Variants in CHST10 observed in about 807,000 individuals in gnomAD.
CHST10 encodes HNK-1 sulfotransferase.
A neutral mutation model predicts 34.7 loss-of-function variants in CHST10; 24 were observed. That is an observed-to-expected ratio of 0.69 (90% confidence interval 0.50 to 0.97). CHST10 has a LOEUF of 0.97. Among genes scored for constraint, CHST10 ranks in the 50% least tolerant of loss-of-function variants. The pLI is 0.00. For synonymous variants in CHST10, 161 were observed against 169.3 expected (o/e 0.95, Z 0.38); for missense variants, 402 against 452.1 (o/e 0.89, Z 1.00).
At chr2:100,402,506 C>A in intron 4 of CHST10, 58 bp downstream of exon 4, 2 of 1,438,124 alleles carry the variant, frequency 1.4e-6, no homozygotes, top group South Asian at 1.2e-5. Flanking sequence ...AAGGCCAGCT[C>A]CCCGCGACAA....
At chr2:100,416,601 T>C (rs1313590735) in intron 1 of CHST10, 1 of 208,528 alleles carries the variant, frequency 4.8e-6, no homozygotes, top group African/African-American at 2.3e-5. Flanking sequence ...TTTAACAGCG[T>C]CTGAGACATT....
At chr2:100,402,719 A>G in intron 3 of CHST10, 64 bp from the exon 4 acceptor site, 1 of 1,369,948 alleles carries the variant, frequency 7.3e-7, no homozygotes, top group Non-Finnish European at 1.0e-6. Context: ...GATGGGACAG[A>G]ACAGAGGCCC....
intron 3 of CHST10, among the ~76,000 whole-genome samples, chr2:100,404,896 AC>A (rs1483760023): frequency 1.3e-5 from 2 of 152,132 alleles, no homozygotes; most frequent in Admixed American, 6.5e-5. Flanking sequence ...CCTGAGTAAC[AC>A]CTATTTCTTA....
In CHST10 at chr2:100,395,345, C is replaced by T. The variant is rs893478688; in HGVS notation, c.533+164G>A. Among the ~76,000 whole-genome samples the T allele has an allele frequency of 4.6e-5, 7 of 152,112 alleles. No homozygotes were observed. In the East Asian group the frequency reaches 1.2e-3, roughly 25 times the overall value. On this transcript the variant is annotated intron_variant, in intron 6 of 6. Coordinates refer to ENST00000264249, the MANE Select transcript of CHST10 (RefSeq NM_004854.5). ...GAAGGAACTGAGAGTTTTGAGGCGC[C>T]GAATGGGGGGTGTAGCTTAGCTGCC...
chr2:100,399,821 C>G (rs765038530), intron 4 of CHST10, among the ~76,000 whole-genome samples: 16 of 152,328 alleles, frequency 1.1e-4, no homozygotes, highest in Non-Finnish European at 1.3e-4. Flanking sequence ...GGGCTACTGA[C>G]TGCCTGCTTT....
intron 4 of CHST10, among the ~76,000 whole-genome samples, chr2:100,400,970 C>T (rs1003476446): frequency 2.0e-5 from 3 of 152,220 alleles, no homozygotes; most frequent in Admixed American, 6.5e-5. Flanking sequence ...AGTGAGGCAC[C>T]GCACCTGGCC....
At chr2:100,402,484 C>T in intron 4 of CHST10, 80 bp downstream of exon 4, 2 of 1,112,446 alleles carry the variant, frequency 1.8e-6, no homozygotes, top group Non-Finnish European at 2.7e-6. Flanking sequence ...CAAGCGGAAC[C>T]AGCCACAGGG....
chr2:100,410,391 G>A lies in CHST10; in HGVS notation c.-32-3684C>T, dbSNP rs370821519. On this transcript the variant is annotated intron_variant, in intron 2 of 6. Transcript: ENST00000264249. ...CACCCAGCACAGTCCAGATGCTCTCGCTATGTGCCATTTGCTCTCCTTGCA... is the reference window on the plus strand; with the variant it reads ...CACCCAGCACAGTCCAGATGCTCTCACTATGTGCCATTTGCTCTCCTTGCA... Among the ~76,000 whole-genome samples the A allele has an allele frequency of 2.8e-4, 43 of 152,332 alleles. 1 individual carries two copies. The East Asian group carries it at 7.1e-3, about 25-fold the overall frequency.
rs1284562574 is a variant in CHST10 at position 100,395,624 on chromosome 2, A to C, written c.428-10T>G. On this transcript the variant is annotated splice_polypyrimidine_tract_variant and intron_variant, in intron 5 of 6. Coordinates refer to ENST00000264249, the MANE Select transcript of CHST10 (RefSeq NM_004854.5). The stretch of plus-strand genomic sequence containing the variant: ...ATGGAAGAAAATGCTCCTGGGAAGT[A>C]AACGGAAAGGAAGGCAGGTTGGCTG... 1 of 1,612,186 alleles carries C rather than the reference A, an allele frequency of 6.2e-7. No individual in the cohort carries two copies. Among genetic ancestry groups the C allele is most frequent in the Admixed American group, 1.7e-5 (1 of 59,992 alleles).
chr2:100,416,688 A>AAACAACAACAACAACAACAAC (rs140248946), intron 1 of CHST10: 1 of 315,272 alleles, frequency 3.2e-6, no homozygotes, highest in African/African-American at 2.2e-5. Flanking sequence ...TTTTCAGACA[A>AAACAACAACAACAACAACAAC]AACAACAACA....
intron 3 of CHST10, 66 bp downstream of exon 3, chr2:100,406,510 C>T: frequency 6.3e-7 from 1 of 1,587,120 alleles, no homozygotes. Context: ...TATGCATGTA[C>T]CTAGGAACAG....
chr2:100,401,023 G>A (rs1315975857), intron 4 of CHST10, among the ~76,000 whole-genome samples: 1 of 152,228 alleles, frequency 6.6e-6, no homozygotes, highest in Non-Finnish European at 1.5e-5. Flanking sequence ...TGATCATGTT[G>A]ATAAATCCCC....
intron 3 of CHST10, 128 bp downstream of exon 3, chr2:100,406,448 T>A: frequency 1.4e-4 from 158 of 1,121,584 alleles, no homozygotes; most frequent in East Asian, 1.6e-4. Flanking sequence ...GGCCATGACC[T>A]CCAAGGTCCC....
chr2:100,394,726 CT>C (rs11345127), intron 6 of CHST10, among the ~76,000 whole-genome samples: 41,028 of 140,354 alleles, frequency 0.29, 6,532 homozygotes, highest in East Asian at 0.69. Context: ...ACTCCATCTT[CT>C]TTTTTTTTTT....
intron 5 of CHST10, 45 bp from the exon 6 acceptor site, chr2:100,395,659 G>A (rs750651701): frequency 1.3e-5 from 20 of 1,497,868 alleles, no homozygotes; most frequent in East Asian, 9.1e-5. Context: ...GCTCCAGTAC[G>A]CCCCTTAGAG....
chr2:100,395,969 C>G (rs1176460462), intron 5 of CHST10, among the ~76,000 whole-genome samples: 5 of 152,202 alleles, frequency 3.3e-5, no homozygotes, highest in African/African-American at 1.2e-4. Flanking sequence ...GAACTCCTAA[C>G]ACCAGCAACA....
intron 1 of CHST10, 184 bp downstream of exon 1, chr2:100,417,190 T>G: frequency 1.7e-6 from 1 of 577,686 alleles, no homozygotes; most frequent in South Asian, 1.6e-5. Flanking sequence ...TATTGCATAA[T>G]TAACGCGAGG....
At position 100,393,729 on chromosome 2, in the gene CHST10, A is replaced by C. The variant is rs1674912999; in HGVS notation, c.587T>G (p.Ile196Ser). Reference sequence around the variant, plus strand: ...AACAAATTTATCCTTAAATGCAGAAATAAGTCTTTCGAAGGGATCTCTTAC... The same window carrying C: ...AACAAATTTATCCTTAAATGCAGAACTAAGTCTTTCGAAGGGATCTCTTAC... The part of the protein sequence containing the change: ...FIVRDPFERL[I>S]SAFKDKFVHN... Residue 196 changes from isoleucine to serine, a missense_variant, in exon 7 of 7, where the codon ATT (isoleucine) becomes AGT (serine). By Grantham distance (142) the Ile-to-Ser change is moderately radical. Transcript: ENST00000264249. 1 of 1,613,534 alleles carries C rather than the reference A, an allele frequency of 6.2e-7. No individual in the cohort carries two copies. Among genetic ancestry groups the C allele is most frequent in the South Asian group, 1.1e-5 (1 of 91,080 alleles).
intron 1 of CHST10, 78 bp from the exon 2 acceptor site, chr2:100,415,189 C>G (rs1676016455): frequency 1.2e-6 from 1 of 853,716 alleles, no homozygotes; most frequent in East Asian, 6.6e-5. Flanking sequence ...TTGGTTTATA[C>G]TTAGGAAGGA....
Sources: allele counts gnomAD v4.1 joint callset (sites outside exome capture counted in the v4.1 genomes callset), GRCh38; gene constraint gnomAD v4.1.1; transcripts MANE v1.5; gene names NCBI Gene and HGNC (gene_info 2026-07-23, HGNC 2026-07-21).